The following PCDH9 variants were observed in gnomAD, a reference collection of about 807,000 sequenced individuals.
PCDH9 encodes protocadherin-9.
In PCDH9, 24 loss-of-function variants were observed where a neutral mutation model predicts 70.6. The ratio of observed to expected loss-of-function variants is 0.34; its 90% CI spans 0.25 to 0.48. The LOEUF (loss-of-function observed/expected upper bound fraction) is 0.48, where lower values mean the gene tolerates loss of function less well. Among genes scored for constraint, PCDH9 ranks in the 20% least tolerant of loss-of-function variants. PCDH9 has a pLI of 0.99. For missense variants in PCDH9, 1,281 were observed against 1,503.6 expected (o/e 0.85, Z 2.45); for synonymous variants, 562 against 558.5 (o/e 1.01, Z -0.09).
intron 2 of PCDH9, among the ~76,000 whole-genome samples, chr13:67,134,387 G>A (rs893789868): frequency 6.6e-6 from 1 of 151,910 alleles, no homozygotes; most frequent in African/African-American, 2.4e-5. Context: ...TCCAGAATAA[G>A]CAGTTCTTTT....
intron 2 of PCDH9, among the ~76,000 whole-genome samples, chr13:66,967,784 T>A (rs2083454791): frequency 6.6e-6 from 1 of 152,222 alleles, no homozygotes; most frequent in African/African-American, 2.4e-5. Context: ...ATTTACCGGA[T>A]AATTAGAAGA....
At chr13:67,005,419 T>C (rs115972191) in intron 2 of PCDH9, among the ~76,000 whole-genome samples, 4,741 of 152,282 alleles carry the variant, frequency 0.031, 131 homozygotes, top group South Asian at 0.11. Context: ...GGATTTTCTA[T>C]GCAACAATTT....
chr13:66,585,104 A>G (rs2076945087), intron 4 of PCDH9, among the ~76,000 whole-genome samples: 1 of 152,072 alleles, frequency 6.6e-6, no homozygotes, highest in Admixed American at 6.6e-5. Flanking sequence ...TGCACCAAGA[A>G]CTACAAAATA....
At chr13:66,683,150 A>AG (rs1448338354) in intron 3 of PCDH9, among the ~76,000 whole-genome samples, 1 of 152,162 alleles carries the variant, frequency 6.6e-6, no homozygotes, top group African/African-American at 2.4e-5. Context: ...CCCACAATCA[A>AG]GGAGGCTTCA....
intron 4 of PCDH9, among the ~76,000 whole-genome samples, chr13:66,538,196 CAGAA>C (rs978049068): frequency 5.3e-5 from 8 of 151,970 alleles, no homozygotes; most frequent in Admixed American, 5.3e-4. Flanking sequence ...TTCATGGAGA[CAGAA>C]AGAAAGATGA....
chr13:67,010,305 C>T (rs956269325), intron 2 of PCDH9, among the ~76,000 whole-genome samples: 1 of 151,916 alleles, frequency 6.6e-6, no homozygotes, highest in African/African-American at 2.4e-5. Flanking sequence ...GACTCCAAAG[C>T]CTTAACTTTA....
At chr13:67,186,724 T>A (rs1014532129) in intron 2 of PCDH9, among the ~76,000 whole-genome samples, 3 of 152,228 alleles carry the variant, frequency 2.0e-5, no homozygotes, top group African/African-American at 7.2e-5. Context: ...CATTCTCTTT[T>A]GAATCTAACA....
intron 4 of PCDH9, among the ~76,000 whole-genome samples, chr13:66,407,898 T>C (rs1052320688): frequency 3.9e-5 from 6 of 152,224 alleles, no homozygotes; most frequent in Non-Finnish European, 5.9e-5. Context: ...TTAAGTAGTC[T>C]ATCATATTTC....
At chr13:66,689,603 C>T (rs1261460333) in intron 3 of PCDH9, among the ~76,000 whole-genome samples, 1 of 152,154 alleles carries the variant, frequency 6.6e-6, no homozygotes, top group Admixed American at 6.5e-5. Context: ...CTTTTCCTTT[C>T]CTCCCTCTCT....
chr13:67,053,475 A>G lies in PCDH9; in HGVS notation c.3037-149870T>C, dbSNP rs189308828. On this transcript the variant is annotated intron_variant, in intron 2 of 4. Transcript: ENST00000377865. ...TATAAAAAACACAAAGGATACTGGT[A>G]GGGGAGCATTGACTAAAATAAACAT... 1.4e-4 allele frequency among the ~76,000 whole-genome samples: 22 copies of G among 152,324 alleles called. No homozygotes were observed. The East Asian group carries it at 3.9e-3, about 27-fold the overall frequency.
chr13:66,677,819 G>A (rs1203511749), intron 3 of PCDH9, among the ~76,000 whole-genome samples: 4 of 152,020 alleles, frequency 2.6e-5, no homozygotes, highest in African/African-American at 9.7e-5. Context: ...AAATTACCCA[G>A]TCTCAGATAT....
chr13:66,681,969 T>A (rs1593885691), intron 3 of PCDH9, among the ~76,000 whole-genome samples: 1 of 52,472 alleles, frequency 1.9e-5, no homozygotes, highest in African/African-American at 9.9e-5. Flanking sequence ...ATATATATAT[T>A]TGAGAGATTT....
chr13:66,424,578 T>C (rs1444522625), intron 4 of PCDH9, among the ~76,000 whole-genome samples: 1 of 151,980 alleles, frequency 6.6e-6, no homozygotes, highest in Non-Finnish European at 1.5e-5. Context: ...TAAAAGTCTG[T>C]ATAGCTGATG....
chr13:66,482,528 A>T (rs1401842493), intron 4 of PCDH9, among the ~76,000 whole-genome samples: 2 of 152,184 alleles, frequency 1.3e-5, no homozygotes, highest in African/African-American at 4.8e-5. Flanking sequence ...TCAAATTGTC[A>T]TGATGGGTTT....
At chr13:66,452,980 A>C (rs964936602) in intron 4 of PCDH9, among the ~76,000 whole-genome samples, 6 of 151,984 alleles carry the variant, frequency 3.9e-5, no homozygotes, top group Non-Finnish European at 5.9e-5. Context: ...TCAGCCAGCC[A>C]CCCATCCATC....
intron 2 of PCDH9, among the ~76,000 whole-genome samples, chr13:67,143,598 C>A: frequency 6.6e-6 from 1 of 152,154 alleles, no homozygotes; most frequent in East Asian, 1.9e-4. Flanking sequence ...TAATAAAATA[C>A]AACTCCATAG....
At chr13:66,525,804 T>C (rs975950950) in intron 4 of PCDH9, among the ~76,000 whole-genome samples, 5 of 152,114 alleles carry the variant, frequency 3.3e-5, no homozygotes, top group African/African-American at 7.2e-5. Flanking sequence ...AAATGAAGCT[T>C]GTCATCTCTT....
At chr13:67,193,813 C>T (rs988988387) in intron 2 of PCDH9, among the ~76,000 whole-genome samples, 3 of 152,008 alleles carry the variant, frequency 2.0e-5, no homozygotes, top group African/African-American at 7.2e-5. Flanking sequence ...CCCATGGAAA[C>T]GACCTTTTAC....
At chr13:66,410,372 A>T (rs1052072720) in intron 4 of PCDH9, among the ~76,000 whole-genome samples, 11 of 152,206 alleles carry the variant, frequency 7.2e-5, no homozygotes, top group African/African-American at 2.2e-4. Flanking sequence ...AATTATATTC[A>T]TATACAACTA....
Sources: gnomAD v4.1 joint callset for allele counts (sites outside exome capture counted in the v4.1 genomes callset) on GRCh38, gnomAD v4.1.1 for gene constraint, MANE v1.5 for transcripts, NCBI Gene and HGNC (gene_info 2026-07-23, HGNC 2026-07-21) for gene names.